PDZD9: variants seen among roughly 807,000 people sequenced by gnomAD.
The protein encoded by PDZD9 is PDZ domain containing 9, also known as PDZ domain-containing protein 9.
In PDZD9, 13 loss-of-function variants were observed where a neutral mutation model predicts 16.3. That is an observed-to-expected ratio of 0.80 (90% CI 0.52 to 1.27). The LOEUF is 1.27. Ranked by LOEUF, PDZD9 falls within the 50% of genes most tolerant of loss-of-function variation. The pLI is 0.00. For missense variants in PDZD9, 288 were observed against 310.9 expected (o/e 0.93, Z 0.55); for synonymous variants, 120 against 111.0 (o/e 1.08, Z -0.51).
At chr16:21,987,932 A>G (rs960096293) in intron 3 of PDZD9, among the ~76,000 whole-genome samples, 2 of 151,790 alleles carry the variant, frequency 1.3e-5, no homozygotes, top group Non-Finnish European at 2.9e-5. Flanking sequence ...AAAAAGGCTT[A>G]GATGTTATTG....
At chr16:21,962,967 G>T in the PDZD9 span, 1 of 1,470,920 alleles carries the variant, frequency 6.8e-7, no homozygotes, top group Non-Finnish European at 9.1e-7. Flanking sequence ...AAAAATTGCT[G>T]TCAAAATTTT....
downstream of PDZD9, among the ~76,000 whole-genome samples, chr16:21,979,242 C>G (rs537865705): frequency 3.2e-4 from 48 of 152,294 alleles, no homozygotes; most frequent in African/African-American, 1.1e-3. Flanking sequence ...CACACTGTAG[C>G]AGCCAAAAGG....
At chr16:21,988,052 G>C (rs1898924256) in intron 3 of PDZD9, among the ~76,000 whole-genome samples, 1 of 132,012 alleles carries the variant, frequency 7.6e-6, no homozygotes, top group South Asian at 2.3e-4. Context: ...TCTATCTCCA[G>C]GCTGGAGTGC....
At position 22,001,074 on chromosome 16, in the gene PDZD9, A is replaced by G; in HGVS notation, c.-27T>C. ...GTCCCGGGAGGTCAGGCAGCCCGGG[A>G]GGGCCTCCCGGAGCAGAGGCTGGAG... On this transcript the variant is annotated 5_prime_UTR_variant, in exon 1 of 4. Coordinates refer to ENST00000424898, the MANE Select transcript of PDZD9 (RefSeq NM_001363519.1). The G allele has an allele frequency of 6.6e-7, 1 of 1,513,388 alleles. No homozygotes were observed. Among genetic ancestry groups the G allele is most frequent in the East Asian group, 2.6e-5 (1 of 39,166 alleles). 93.7% of individuals were successfully genotyped at this position (1,513,388 alleles called of 1,614,324 possible).
intron 2 of PDZD9, among the ~76,000 whole-genome samples, 199 bp from the exon 3 acceptor site, chr16:21,988,990 A>T (rs577907781): frequency 7.1e-6 from 1 of 141,176 alleles, no homozygotes; most frequent in African/African-American, 2.7e-5. Flanking sequence ...GTGCAGTGGC[A>T]TGATCTCAGC....
chr16:21,979,425 T>C (rs1898661956), downstream of PDZD9, among the ~76,000 whole-genome samples: 2 of 152,200 alleles, frequency 1.3e-5, no homozygotes, highest in African/African-American at 4.8e-5. Context: ...TGAACCTCAG[T>C]GTTCAGACAA....
the PDZD9 span, among the ~76,000 whole-genome samples, chr16:21,973,389 A>C: frequency 6.6e-6 from 1 of 152,216 alleles, no homozygotes; most frequent in African/African-American, 2.4e-5. Flanking sequence ...CTCAAACTAG[A>C]TAACAATATC....
rs1229244078 is a variant in PDZD9 at position 21,984,504 on chromosome 16, C to T, written c.558G>A (p.Trp186Ter). The T allele has an allele frequency of 4.4e-6, 7 of 1,608,874 alleles. No homozygotes were observed. The highest frequency in any genetic ancestry group is 6.0e-6 in the Non-Finnish European group (7 of 1,175,680). ...ARRPISISRD[W>*]HGYKKKNHTI... is the part of the protein sequence containing the mutation. ...TATGGTTCTTCTTCTTATATCCATGCCAGTCTCTGGAGATGGATATTGGTC... is the reference window on the plus strand; with the variant it reads ...TATGGTTCTTCTTCTTATATCCATGTCAGTCTCTGGAGATGGATATTGGTC... Residue 186 changes from tryptophan (W) to a stop codon, truncating the protein, a stop_gained, in exon 4 of 4, where the codon TGG (tryptophan) becomes TGA (stop). Coordinates refer to ENST00000424898, the MANE Select transcript of PDZD9 (RefSeq NM_001363519.1). LOFTEE classifies it low-confidence loss of function (END_TRUNC).
the PDZD9 span, among the ~76,000 whole-genome samples, chr16:21,967,932 A>G: frequency 2.6e-5 from 4 of 152,046 alleles, no homozygotes; most frequent in Non-Finnish European, 5.9e-5. Flanking sequence ...CGTAAGCTAC[A>G]TTATAATAAA....
chr16:21,961,645 TATATATATATATATATA>T, the PDZD9 span, among the ~76,000 whole-genome samples: 1 of 95,248 alleles, frequency 1.0e-5, no homozygotes, highest in Non-Finnish European at 2.0e-5. Flanking sequence ...TATATATATA[TATATATATATATATATA>T]TATATATTTT....
intron 2 of PDZD9, among the ~76,000 whole-genome samples, chr16:21,993,686 C>T (rs1401071515): frequency 6.6e-6 from 1 of 152,068 alleles, no homozygotes; most frequent in African/African-American, 2.4e-5. Context: ...AAAAACTTCC[C>T]AGATGATTCT....
At chr16:21,972,266 G>A in the PDZD9 span, 192 of 1,126,564 alleles carry the variant, frequency 1.7e-4, 4 homozygotes, top group East Asian at 4.9e-3. Flanking sequence ...CTTGATTTTA[G>A]TATCTTTGAA....
At chr16:21,976,248 G>C in the PDZD9 span, 5 of 1,608,414 alleles carry the variant, frequency 3.1e-6, no homozygotes, top group South Asian at 5.5e-5. Flanking sequence ...TGCCAAGTAA[G>C]TCTCAGTATT....
intron 2 of PDZD9, 128 bp from the exon 3 acceptor site, chr16:21,988,919 G>A (rs1416482307): frequency 2.8e-6 from 2 of 710,082 alleles, no homozygotes; most frequent in Non-Finnish European, 4.2e-6. Flanking sequence ...ACCAAAACCA[G>A]GCTTCAGCCT....
chr16:21,989,780 G>A (rs1293395958), intron 2 of PDZD9, among the ~76,000 whole-genome samples: 4 of 152,184 alleles, frequency 2.6e-5, no homozygotes, highest in South Asian at 2.1e-4. Context: ...TGCAGCTTCC[G>A]AGTCCCTGGC....
intron 1 of PDZD9, among the ~76,000 whole-genome samples, 199 bp from the exon 2 acceptor site, chr16:21,996,700 CAG>C (rs1899160447): frequency 1.3e-5 from 2 of 152,174 alleles, no homozygotes; most frequent in Non-Finnish European, 2.9e-5. Context: ...AGGGCTTTTG[CAG>C]AGTCTGGCAT....
At chr16:22,000,871 A>ATGG in intron 1 of PDZD9, 146 bp downstream of exon 1, 1 of 693,944 alleles carries the variant, frequency 1.4e-6, no homozygotes, top group South Asian at 1.8e-5. Context: ...GATGATGATG[A>ATGG]TGATAATGAT....
chr16:21,968,772 A>G, the PDZD9 span: 1 of 1,247,808 alleles, frequency 8.0e-7, no homozygotes, highest in Non-Finnish European at 1.1e-6. Flanking sequence ...GGATTGAACA[A>G]AATTTGAAAA....
At chr16:21,987,643 G>T (rs1295633679) in intron 3 of PDZD9, among the ~76,000 whole-genome samples, 1 of 152,118 alleles carries the variant, frequency 6.6e-6, no homozygotes, top group Non-Finnish European at 1.5e-5. Context: ...GTCTAATGCT[G>T]CTCAGAAGCC....
Sources: allele counts gnomAD v4.1 joint callset (sites outside exome capture counted in the v4.1 genomes callset), GRCh38; gene constraint gnomAD v4.1.1; transcripts MANE v1.5; gene names NCBI Gene and HGNC (gene_info 2026-07-23, HGNC 2026-07-21).